SMU1: variants seen among roughly 807,000 people sequenced by gnomAD.
SMU1 encodes the protein SMU1 DNA replication regulator and spliceosomal factor.
SMU1 carries 2 observed loss-of-function variants against 62.0 expected under a neutral mutation model. The ratio of observed to expected loss-of-function variants is 0.03; its 90% CI spans 0.01 to 0.10. SMU1 has a LOEUF of 0.10. SMU1 is among the 10% of genes least tolerant of loss of function. The probability of loss-of-function intolerance (pLI) is 1.00; values close to 1 mark genes in which losing one functional copy is unlikely to be tolerated. For synonymous variants in SMU1, 188 were observed against 212.4 expected (o/e 0.89, Z 1.00); for missense variants, 227 against 622.1 (o/e 0.36, Z 6.76).
In SMU1 at chr9:33,046,390, C is replaced by T. The variant is rs570061730; in HGVS notation, c.*903G>A. 3 of 152,190 alleles carry T rather than the reference C, an allele frequency of 2.0e-5. No homozygotes were observed. The South Asian group carries it at 6.2e-4, about 32-fold the overall frequency. The allele number at this position is 152,190 out of a possible 1,614,324, so 9.4% of individuals were successfully genotyped here. Reference sequence around the variant, plus strand: ...AGGCTGAGGGCAGTGAAATGAGAACCTATGCATCACCTGGCCTTTTTACAT... The same window carrying T: ...AGGCTGAGGGCAGTGAAATGAGAACTTATGCATCACCTGGCCTTTTTACAT... On this transcript the variant is annotated 3_prime_UTR_variant, in exon 12 of 12. Transcript: ENST00000397149.
chr9:33,056,763 G>T, intron 8 of SMU1, 74 bp downstream of exon 8: 1 of 1,486,372 alleles, frequency 6.7e-7, no homozygotes, highest in Non-Finnish European at 9.2e-7. Context: ...AAAGCGTAAG[G>T]AATCACTAGT....
intron 6 of SMU1, among the ~76,000 whole-genome samples, chr9:33,060,152 G>A (rs1839346808): frequency 6.6e-6 from 1 of 152,000 alleles, no homozygotes. Context: ...AAAACTATAG[G>A]TGCACACAAG....
chr9:33,067,737 G>C (rs895638145), intron 4 of SMU1, among the ~76,000 whole-genome samples: 11 of 151,980 alleles, frequency 7.2e-5, no homozygotes, highest in Admixed American at 6.6e-4. Flanking sequence ...GATCTCAGGT[G>C]ATCCACCCAC....
intron 4 of SMU1, 56 bp downstream of exon 4, chr9:33,068,768 G>T (rs958784695): frequency 6.3e-6 from 10 of 1,591,634 alleles, no homozygotes; most frequent in Non-Finnish European, 8.6e-6. Flanking sequence ...GCCTCCCAAA[G>T]TGCAAGGATG....
chr9:33,056,808 G>A (rs1344261158), intron 8 of SMU1, 29 bp downstream of exon 8: 5 of 1,607,124 alleles, frequency 3.1e-6, no homozygotes, highest in Non-Finnish European at 4.2e-6. Context: ...TCAAACTCAA[G>A]TGAGAGCAGT....
intron 4 of SMU1, among the ~76,000 whole-genome samples, chr9:33,063,404 T>C (rs1358669581): frequency 6.6e-6 from 1 of 152,112 alleles, no homozygotes; most frequent in Middle Eastern, 3.4e-3. Context: ...CAAAATAATA[T>C]AAGTGAAGCC....
In SMU1 at chr9:33,057,850, AC is replaced by A; in HGVS notation, c.751-137del. ...AAGTAAACAGAAGTGCCGTGCATAC[AC>A]GTTCCTAGTAAGTAACTAGTTCCCA... On this transcript the variant is annotated intron_variant, in intron 6 of 11. Transcript: ENST00000397149. 5 of 977,798 alleles carry A rather than the reference AC, an allele frequency of 5.1e-6. 1 individual carries two copies. In the South Asian group the frequency reaches 9.1e-5, roughly 18 times the overall value. The allele number at this position is 977,798 out of a possible 1,614,324, so 60.6% of individuals were successfully genotyped here. A position where few individuals can be genotyped will look rare whatever the true frequency, so the allele number is the denominator to read the frequency against.
Position 33,073,592 on chromosome 9 carries a change from T to C in SMU1, c.237+4A>G, listed in dbSNP as rs780520368. ...ATGGGGATCAGCATCACCACCACTC[T>C]TACCTGTTCATAGAGGTCAATGAGG... On this transcript the variant is annotated splice_donor_region_variant and intron_variant, in intron 2 of 11. Transcript: ENST00000397149. The C allele has an allele frequency of 5.0e-6, 8 of 1,609,858 alleles. No homozygotes were observed. Among genetic ancestry groups the C allele is most frequent in the Non-Finnish European group, 6.8e-6 (8 of 1,178,070 alleles).
At chr9:33,072,441 G>T (rs1045258982) in intron 2 of SMU1, among the ~76,000 whole-genome samples, 30 of 152,304 alleles carry the variant, frequency 2.0e-4, no homozygotes, top group African/African-American at 7.0e-4. Context: ...AGATGCCAAA[G>T]AAAGCTAAAG....
In SMU1 at chr9:33,070,190, A is replaced by G. The variant is rs183036031; in HGVS notation, c.391-1256T>C. Among the ~76,000 whole-genome samples the G allele has an allele frequency of 9.1e-4, 139 of 152,314 alleles. 2 individuals are homozygous for G. The highest frequency in any genetic ancestry group is 3.2e-3 in the African/African-American group (134 of 41,576). ...GCTCAAACAACTCTACGGGAAAAAA[A>G]TCTGATAATCCAATGTTAAAAATGG... On this transcript the variant is annotated intron_variant, in intron 3 of 11. Transcript: ENST00000397149.
Position 33,043,992 on chromosome 9 carries a change from T to TAAAAA in SMU1, c.*3296_*3300dup, listed in dbSNP as rs141620295. 2 of 118,112 alleles carry TAAAAA rather than the reference T, an allele frequency of 1.7e-5. No individual in the cohort carries two copies. The highest frequency in any genetic ancestry group is 5.4e-4 in the East Asian group (2 of 3,682). 7.3% of individuals were successfully genotyped at this position (118,112 alleles called of 1,614,324 possible). On this transcript the variant is annotated 3_prime_UTR_variant, in exon 12 of 12. Coordinates refer to ENST00000397149, the MANE Select transcript of SMU1 (RefSeq NM_018225.3). The stretch of plus-strand genomic sequence containing the variant: ...ACCTGAGATTTATACCATTTGCTGT[T>TAAAAA]AAAAAAAAAAAAAAAAAAAAAGCCA...
chr9:33,073,836 GATTCTC>G (rs759954425), intron 1 of SMU1, 30 bp from the exon 2 acceptor site: 94 of 1,601,350 alleles, frequency 5.9e-5, no homozygotes, highest in Non-Finnish European at 7.4e-5. Flanking sequence ...TCAGCTCAGG[GATTCTC>G]ACTCACCAGA....
chr9:33,051,910 G>A (rs915446499), intron 10 of SMU1, among the ~76,000 whole-genome samples: 3 of 151,658 alleles, frequency 2.0e-5, no homozygotes, highest in African/African-American at 4.8e-5. Context: ...CCAGCTACTC[G>A]GGAGGCTGAG....
At chr9:33,076,467 G>A (rs906416029) in intron 1 of SMU1, 116 bp downstream of exon 1, 8 of 1,273,890 alleles carry the variant, frequency 6.3e-6, no homozygotes, top group African/African-American at 4.4e-5. Flanking sequence ...TTGGGGGCAA[G>A]GAAATGGCCC....
At position 33,047,032 on chromosome 9, in the gene SMU1, G is replaced by A; in HGVS notation, c.*261C>T. 2 of 308,566 alleles carry A rather than the reference G, an allele frequency of 6.5e-6. No homozygotes were observed. Among genetic ancestry groups the A allele is most frequent in the Non-Finnish European group, 1.2e-5 (2 of 168,924 alleles). 19.1% of individuals were successfully genotyped at this position (308,566 alleles called of 1,614,324 possible). A position where few individuals can be genotyped will look rare whatever the true frequency, so the allele number is the denominator to read the frequency against. On this transcript the variant is annotated 3_prime_UTR_variant, in exon 12 of 12. Transcript: ENST00000397149. ...GTAGAATTTTTTTCTAGAAATATCA[G>A]TATTTCACTCTCCAGGTCGAAGATT...
chr9:33,060,151 G>C (rs866093098), intron 6 of SMU1, among the ~76,000 whole-genome samples: 2 of 152,008 alleles, frequency 1.3e-5, no homozygotes, highest in African/African-American at 4.8e-5. Flanking sequence ...TAAAACTATA[G>C]GTGCACACAA....
intron 10 of SMU1, among the ~76,000 whole-genome samples, chr9:33,052,108 C>T (rs1046661004): frequency 1.3e-5 from 2 of 150,700 alleles, no homozygotes; most frequent in African/African-American, 4.9e-5. Context: ...ATGATTATAT[C>T]CCTGCTTAAA....
At chr9:33,051,900 C>G (rs548815878) in intron 10 of SMU1, among the ~76,000 whole-genome samples, 137 of 151,882 alleles carry the variant, frequency 9.0e-4, no homozygotes, top group Non-Finnish European at 1.4e-3. Context: ...ACTAGAAATC[C>G]CAGCTACTCG....
intron 10 of SMU1, among the ~76,000 whole-genome samples, chr9:33,052,344 T>G (rs1367758777): frequency 6.6e-6 from 1 of 152,158 alleles, no homozygotes; most frequent in African/African-American, 2.4e-5. Flanking sequence ...CAAAATAAAG[T>G]ATTTTAAAAA....
Sources: allele counts gnomAD v4.1 joint callset (sites outside exome capture counted in the v4.1 genomes callset), GRCh38; gene constraint gnomAD v4.1.1; transcripts MANE v1.5; gene names NCBI Gene and HGNC (gene_info 2026-07-23, HGNC 2026-07-21).